Variants in MIR2052HG observed in about 807,000 individuals in gnomAD.
MIR2052HG encodes MIR2052 host gene.
intron 1 of MIR2052HG, chr8:74,603,503 G>T: frequency 6.4e-7 from 1 of 1,570,572 alleles, no homozygotes; most frequent in Non-Finnish European, 8.8e-7. Context: ...AAATCGTTTG[G>T]AATGGTAAGT....
At position 74,671,071 on chromosome 8, in the gene MIR2052HG, G is replaced by A. The variant is rs140436920; in HGVS notation, n.217-31308G>A. Among the ~76,000 whole-genome samples the A allele has an allele frequency of 9.3e-4, 141 of 151,634 alleles. 1 individual carries two copies. Among genetic ancestry groups the A allele is most frequent in the Admixed American group, 2.0e-3 (31 of 15,168 alleles). The stretch of plus-strand genomic sequence containing the variant: ...ATCTCTAACCTGTAAAGAGCTTGTC[G>A]TCAAGTCAGGTGTGTGTAATAGTTA... On this transcript the variant is annotated intron_variant and non_coding_transcript_variant, in intron 2 of 6. Coordinates refer to ENST00000523442, the Ensembl canonical transcript of MIR2052HG.
intron 5 of MIR2052HG, chr8:74,757,588 A>T (rs1214479495): frequency 1.3e-5 from 2 of 152,224 alleles, no homozygotes; most frequent in Non-Finnish European, 2.9e-5. Flanking sequence ...CAAATGGGGA[A>T]CTGAGATTTG....
intron 2 of MIR2052HG, among the ~76,000 whole-genome samples, chr8:74,630,924 A>T (rs1204049910): frequency 6.6e-6 from 1 of 152,138 alleles, no homozygotes; most frequent in Non-Finnish European, 1.5e-5. Flanking sequence ...AGATTCAATA[A>T]TTTGCCCAGC....
At chr8:74,628,285 C>T (rs1015983227) in intron 2 of MIR2052HG, among the ~76,000 whole-genome samples, 1 of 152,100 alleles carries the variant, frequency 6.6e-6, no homozygotes, top group Non-Finnish European at 1.5e-5. Flanking sequence ...AAAGCAGAAA[C>T]TAAACATTCG....
chr8:74,694,890 T>C (rs1367442235), intron 2 of MIR2052HG, among the ~76,000 whole-genome samples: 1 of 152,116 alleles, frequency 6.6e-6, no homozygotes, highest in Non-Finnish European at 1.5e-5. Context: ...GAAATGTAAA[T>C]GTTTGGAAAA....
chr8:74,675,561 A>G (rs1586910814), intron 2 of MIR2052HG, among the ~76,000 whole-genome samples: 1 of 151,988 alleles, frequency 6.6e-6, no homozygotes, highest in African/African-American at 2.4e-5. Flanking sequence ...TGTGCAGAGG[A>G]TGATTACATT....
chr8:74,624,326 T>C (rs1808406717), intron 2 of MIR2052HG, among the ~76,000 whole-genome samples: 2 of 152,312 alleles, frequency 1.3e-5, no homozygotes, highest in South Asian at 4.1e-4. Context: ...TCCAAGGGGG[T>C]TGATTTCACT....
intron 5 of MIR2052HG, chr8:74,756,518 A>G (rs942750724): frequency 6.6e-6 from 1 of 152,346 alleles, no homozygotes; most frequent in Middle Eastern, 3.4e-3. Context: ...TTTAAGGTTT[A>G]CAGAAATTCT....
At chr8:74,612,833 A>G (rs1207477422) in intron 1 of MIR2052HG, 2 of 454,868 alleles carry the variant, frequency 4.4e-6, no homozygotes, top group Non-Finnish European at 8.8e-6. Context: ...TATCTATTAA[A>G]CAAAAATGTT....
At chr8:74,752,109 C>G (rs1268738563) in intron 4 of MIR2052HG, among the ~76,000 whole-genome samples, 1 of 151,568 alleles carries the variant, frequency 6.6e-6, no homozygotes, top group African/African-American at 2.4e-5. Context: ...AGTGAAACCC[C>G]CATTTCTGCA....
chr8:74,698,354 A>G (rs1292152722), intron 2 of MIR2052HG, among the ~76,000 whole-genome samples: 1 of 152,194 alleles, frequency 6.6e-6, no homozygotes, highest in Admixed American at 6.5e-5. Flanking sequence ...ACAACAATCA[A>G]CTCAACATGG....
At chr8:74,605,210 T>A (rs1016999908) in intron 1 of MIR2052HG, among the ~76,000 whole-genome samples, 1 of 152,164 alleles carries the variant, frequency 6.6e-6, no homozygotes, top group Non-Finnish European at 1.5e-5. Flanking sequence ...ATTACTTGCA[T>A]GCTATTTTTA....
At chr8:74,672,342 G>A (rs929396177) in intron 2 of MIR2052HG, among the ~76,000 whole-genome samples, 3 of 152,034 alleles carry the variant, frequency 2.0e-5, no homozygotes, top group African/African-American at 7.2e-5. Flanking sequence ...TTGCTGTGTA[G>A]GTAGTTTGTT....
At chr8:74,740,205 T>TAA (rs1809811552) in intron 4 of MIR2052HG, among the ~76,000 whole-genome samples, 1 of 152,220 alleles carries the variant, frequency 6.6e-6, no homozygotes, top group Non-Finnish European at 1.5e-5. Flanking sequence ...GGGTCACACC[T>TAA]GTAATCCCAG....
intron 1 of MIR2052HG, among the ~76,000 whole-genome samples, chr8:74,600,162 T>A (rs77619427): frequency 6.8e-4 from 104 of 152,238 alleles, no homozygotes; most frequent in South Asian, 3.7e-3. Flanking sequence ...GGTACCTCAG[T>A]TGGAAATGCA....
chr8:74,755,090 C>A (rs766315590), intron 5 of MIR2052HG, among the ~76,000 whole-genome samples: 2 of 152,172 alleles, frequency 1.3e-5, no homozygotes, highest in Non-Finnish European at 2.9e-5. Flanking sequence ...CTAACTCCCA[C>A]CCGAAACTTT....
chr8:74,718,722 T>C (rs1266401787), intron 4 of MIR2052HG, among the ~76,000 whole-genome samples: 1 of 152,150 alleles, frequency 6.6e-6, no homozygotes, highest in East Asian at 1.9e-4. Context: ...TGGGTAATGG[T>C]GAGGACTGTC....
intron 2 of MIR2052HG, among the ~76,000 whole-genome samples, chr8:74,700,144 G>A (rs1809343860): frequency 6.6e-6 from 1 of 152,156 alleles, no homozygotes; most frequent in South Asian, 2.1e-4. Context: ...ATTATTACAT[G>A]TATATAGATA....
intron 2 of MIR2052HG, among the ~76,000 whole-genome samples, chr8:74,655,943 C>G (rs1168529537): frequency 2.6e-5 from 4 of 152,288 alleles, no homozygotes; most frequent in Non-Finnish European, 5.9e-5. Context: ...TTATAGGAAC[C>G]TTCCTCTTGC....
Sources: gnomAD v4.1 joint callset for allele counts (sites outside exome capture counted in the v4.1 genomes callset) on GRCh38, gnomAD v4.1.1 for gene constraint, MANE v1.5 for transcripts, NCBI Gene and HGNC (gene_info 2026-07-23, HGNC 2026-07-21) for gene names.